The following C11orf65 variants were observed in gnomAD, a reference collection of about 807,000 sequenced individuals.
C11orf65 encodes the protein chromosome 11 open reading frame 65, also known as protein MFI.
C11orf65 carries 38 observed loss-of-function variants against 35.3 expected under a neutral mutation model. The observed-to-expected ratio is 1.08, with a 90% CI of 0.83 to 1.41. The LOEUF is 1.41. Ranked by LOEUF, C11orf65 falls within the 40% of genes most tolerant of loss-of-function variation. C11orf65 has a pLI of 0.00. For missense variants in C11orf65, 370 were observed against 367.1 expected (o/e 1.01, Z -0.06); for synonymous variants, 105 against 114.4 (o/e 0.92, Z 0.53).
chr11:108,362,894 A>G (rs1445561125), intron 2 of C11orf65, among the ~76,000 whole-genome samples: 1 of 151,936 alleles, frequency 6.6e-6, no homozygotes, highest in African/African-American at 2.4e-5. Context: ...GCATATGTAT[A>G]CATATGTAAC....
At chr11:108,440,953 G>C (rs144796032) in intron 2 of C11orf65, among the ~76,000 whole-genome samples, 1 of 152,242 alleles carries the variant, frequency 6.6e-6, no homozygotes, top group East Asian at 1.9e-4. Context: ...TGAGGTACCG[G>C]GTTCATCTCA....
At chr11:108,420,702 A>T (rs2092803186) in intron 3 of C11orf65, among the ~76,000 whole-genome samples, 1 of 152,184 alleles carries the variant, frequency 6.6e-6, no homozygotes, top group African/African-American at 2.4e-5. Context: ...CAGTATTGTC[A>T]TGATACCAGT....
chr11:108,447,006 T>TAA (rs1032190435), intron 2 of C11orf65, among the ~76,000 whole-genome samples: 2 of 152,078 alleles, frequency 1.3e-5, no homozygotes, highest in Non-Finnish European at 1.5e-5. Context: ...AAACAGACTT[T>TAA]AAACCAACAA....
rs1057521666 is a variant in C11orf65 at position 108,325,298 on chromosome 11, C to A, written c.641-16227G>T. 1 of 1,060,956 alleles carries A rather than the reference C, an allele frequency of 9.4e-7. No homozygotes were observed. The highest frequency in any genetic ancestry group is 1.4e-6 in the Non-Finnish European group (1 of 723,220). The allele number at this position is 1,060,956 out of a possible 1,614,324, so 65.7% of individuals were successfully genotyped here. ...TCTCTTGCTTACATGAACTCTATGT[C>A]GTGGCATTCAGATCAGTCACACATA... On this transcript the variant is annotated intron_variant, in intron 6 of 6. Coordinates refer to the C11orf65 transcript ENST00000525729.
chr11:108,347,093 A>C (rs1229558297), intron 2 of C11orf65, among the ~76,000 whole-genome samples: 1 of 152,220 alleles, frequency 6.6e-6, no homozygotes, highest in Non-Finnish European at 1.5e-5. Context: ...TGCAATATGC[A>C]TTAAAATAGC....
At chr11:108,448,972 CATTCT>C (rs1816351377) in intron 2 of C11orf65, among the ~76,000 whole-genome samples, 1 of 152,166 alleles carries the variant, frequency 6.6e-6, no homozygotes, top group Admixed American at 6.5e-5. Flanking sequence ...AAATCAGAAG[CATTCT>C]TATACACCAA....
At chr11:108,444,106 A>G (rs1010091137) in intron 2 of C11orf65, among the ~76,000 whole-genome samples, 8 of 152,144 alleles carry the variant, frequency 5.3e-5, no homozygotes, top group Admixed American at 2.6e-4. Flanking sequence ...GAGAAGAATC[A>G]AATAGACGCA....
chr11:108,358,376 A>G (rs1229846816), intron 2 of C11orf65, among the ~76,000 whole-genome samples: 3 of 147,298 alleles, frequency 2.0e-5, no homozygotes, highest in Admixed American at 6.8e-5. Flanking sequence ...ACTCTGCAGG[A>G]TATTATCCAG....
rs996093209 is a variant in C11orf65 at position 108,419,729 on chromosome 11, G to T, written c.174+12017C>A. On this transcript the variant is annotated intron_variant, in intron 3 of 8. Transcript: ENST00000393084. ...AAAATAAAATCAAAAAACTCTTTTA[G>T]TTCAACAGGAATAGAAGGAAACTTC... Among the ~76,000 whole-genome samples the T allele has an allele frequency of 2.6e-5, 4 of 152,098 alleles. No individual in the cohort carries two copies. The South Asian group carries it at 6.2e-4, about 24-fold the overall frequency.
downstream of C11orf65, chr11:108,327,477 T>C: frequency 1.7e-6 from 1 of 590,182 alleles, no homozygotes. Context: ...ATTTCCTACA[T>C]GGGATTATTA....
chr11:108,370,474 T>C (rs2138079638), intron 2 of C11orf65, among the ~76,000 whole-genome samples: 1 of 151,698 alleles, frequency 6.6e-6, no homozygotes, highest in African/African-American at 2.4e-5. Flanking sequence ...TGCTTTTTTT[T>C]TTTCCTTGCC....
intron 2 of C11orf65, among the ~76,000 whole-genome samples, chr11:108,349,752 T>G (rs1311187981): frequency 6.6e-6 from 1 of 152,180 alleles, no homozygotes; most frequent in Non-Finnish European, 1.5e-5. Context: ...GAGACACATT[T>G]GGTCCTTGCT....
intron 2 of C11orf65, among the ~76,000 whole-genome samples, chr11:108,459,628 C>T (rs1168594208): frequency 1.3e-5 from 2 of 151,964 alleles, no homozygotes; most frequent in Non-Finnish European, 2.9e-5. Flanking sequence ...TTTTTATCTG[C>T]TCATGAACCC....
intron 3 of C11orf65, chr11:108,334,006 ATTTT>A: frequency 6.7e-7 from 1 of 1,487,610 alleles, no homozygotes; most frequent in East Asian, 2.3e-5. Context: ...TTTAAACTAA[ATTTT>A]TTTTATTAGA....
At chr11:108,359,534 C>A (rs11501002) in intron 2 of C11orf65, among the ~76,000 whole-genome samples, 9,156 of 151,700 alleles carry the variant, frequency 0.06, 885 homozygotes, top group African/African-American at 0.21. Flanking sequence ...AAAATTGACC[C>A]CATAGTTGGA....
In C11orf65 at chr11:108,356,898, C is replaced by T. The variant is rs140478517; in HGVS notation, c.227-21606G>A. On this transcript the variant is annotated intron_variant, in intron 2 of 3. Transcript: ENST00000524755. ...TCTGAAAAGTGATTTGCATCTCCAC[C>T]TACAATAACTGTCACCTTTAAACAC... Among the ~76,000 whole-genome samples, 306 of 152,302 alleles carry T rather than the reference C, an allele frequency of 2.0e-3. 1 individual carries two copies. The highest frequency in any genetic ancestry group is 7.0e-3 in the African/African-American group (291 of 41,558).
At chr11:108,452,234 G>C (rs2093357625) in intron 2 of C11orf65, among the ~76,000 whole-genome samples, 2 of 152,174 alleles carry the variant, frequency 1.3e-5, no homozygotes, top group South Asian at 2.1e-4. Flanking sequence ...CAGAATGGGA[G>C]AAAATTTTTC....
intron 7 of C11orf65, among the ~76,000 whole-genome samples, chr11:108,387,908 C>T (rs544924300): frequency 3.3e-5 from 5 of 152,266 alleles, no homozygotes; most frequent in South Asian, 2.1e-4. Context: ...TGGTGCTCTG[C>T]GAACTTTCTT....
intron 2 of C11orf65, among the ~76,000 whole-genome samples, chr11:108,359,233 C>A (rs1160458161): frequency 6.6e-6 from 1 of 151,464 alleles, no homozygotes; most frequent in African/African-American, 2.4e-5. Context: ...ATCAATTCAA[C>A]AAGAAGAGCT....
Sources: allele counts gnomAD v4.1 joint callset (sites outside exome capture counted in the v4.1 genomes callset), GRCh38; gene constraint gnomAD v4.1.1; transcripts MANE v1.5; gene names NCBI Gene and HGNC (gene_info 2026-07-23, HGNC 2026-07-21).